Variants in TEX9 observed in about 807,000 individuals in gnomAD.
The protein encoded by TEX9 is testis expressed 9, also known as testis-expressed protein 9.
TEX9 carries 74 observed loss-of-function variants against 59.6 expected under a neutral mutation model. The observed-to-expected ratio is 1.24, with a 90% CI of 1.03 to 1.51. TEX9 has a LOEUF of 1.51. TEX9 is among the 40% of genes most tolerant of loss of function. The pLI, the probability that TEX9 is intolerant of heterozygous loss-of-function variation, is 0.00. For synonymous variants in TEX9, 186 were observed against 152.2 expected, an observed-to-expected ratio of 1.22 and a Z score of -1.64; for missense variants, 522 against 447.8, an observed-to-expected ratio of 1.17 and a Z score of -1.49.
At chr15:56,266,421 A>G (rs150562489) in intron 1 of TEX9, among the ~76,000 whole-genome samples, 99 of 151,204 alleles carry the variant, frequency 6.5e-4, no homozygotes, top group Admixed American at 9.9e-4. Flanking sequence ...GGTTTGCTAC[A>G]CTCACTAACT....
chr15:56,319,469 A>G (rs1175799079), intron 1 of TEX9, among the ~76,000 whole-genome samples: 1 of 152,062 alleles, frequency 6.6e-6, no homozygotes, highest in Non-Finnish European at 1.5e-5. Flanking sequence ...AGTACAGAGT[A>G]TGCAAAAATT....
intron 1 of TEX9, among the ~76,000 whole-genome samples, chr15:56,350,234 A>G (rs1449855276): frequency 6.6e-6 from 1 of 152,192 alleles, no homozygotes; most frequent in Non-Finnish European, 1.5e-5. Context: ...TTAATATGCA[A>G]AATATATACA....
chr15:56,353,656 G>T (rs923857228), intron 1 of TEX9, among the ~76,000 whole-genome samples: 1 of 152,142 alleles, frequency 6.6e-6, no homozygotes, highest in Non-Finnish European at 1.5e-5. Context: ...CTAATAAAAA[G>T]AGATGATATG....
intron 1 of TEX9, among the ~76,000 whole-genome samples, chr15:56,316,871 C>T (rs1195986072): frequency 7.2e-5 from 11 of 152,314 alleles, no homozygotes; most frequent in East Asian, 1.9e-4. Context: ...TTTTTAAGCC[C>T]GTCGGAAAAG....
At chr15:56,391,418 G>C in exon 7 of TEX9, 2 of 1,495,344 alleles carry the variant, frequency 1.3e-6, no homozygotes, top group Non-Finnish European at 1.8e-6. Context: ...CATTGGAACA[G>C]GTAGATTTTC....
intron 9 of TEX9, among the ~76,000 whole-genome samples, chr15:56,411,402 C>T (rs1231800478): frequency 6.6e-6 from 1 of 152,066 alleles, no homozygotes; most frequent in African/African-American, 2.4e-5. Context: ...GCTATACAAG[C>T]TTTGAAGAGG....
intron 3 of TEX9, among the ~76,000 whole-genome samples, chr15:56,375,571 T>G (rs2142057683): frequency 6.6e-6 from 1 of 152,328 alleles, no homozygotes; most frequent in East Asian, 1.9e-4. Context: ...TTTGGTGTTT[T>G]AGACATGAAG....
chr15:56,295,666 TG>T, intron 1 of TEX9, among the ~76,000 whole-genome samples: 1 of 152,330 alleles, frequency 6.6e-6, no homozygotes. Flanking sequence ...CCACAGCCAT[TG>T]GAGTATGGGA....
intron 1 of TEX9, among the ~76,000 whole-genome samples, chr15:56,301,655 GAAAA>G (rs780816147): frequency 1.4e-5 from 2 of 139,942 alleles, no homozygotes; most frequent in South Asian, 4.4e-4. Flanking sequence ...AGTGCTGAAG[GAAAA>G]AAAAAAAAAC....
In TEX9 at chr15:56,427,557, T is replaced by C. The variant is rs1261216652; in HGVS notation, c.964-48T>C. The C allele has an allele frequency of 3.1e-6, 4 of 1,288,846 alleles. No homozygotes were observed. In the South Asian group the frequency reaches 6.2e-5, roughly 20 times the overall value. 79.8% of individuals were successfully genotyped at this position (1,288,846 alleles called of 1,614,324 possible). Reference sequence around the variant, plus strand: ...TGATGATAGTCTATAATTCTTTCCATTGAGGCTGTATATTAAAAATATATG... The same window carrying C: ...TGATGATAGTCTATAATTCTTTCCACTGAGGCTGTATATTAAAAATATATG... On this transcript the variant is annotated intron_variant, in intron 10 of 12. Transcript: ENST00000352903.
intron 1 of TEX9, among the ~76,000 whole-genome samples, chr15:56,282,522 A>G (rs1457999650): frequency 1.3e-5 from 2 of 152,186 alleles, no homozygotes; most frequent in Non-Finnish European, 2.9e-5. Context: ...AACCAGAAAT[A>G]AACTCTTATT....
intron 9 of TEX9, among the ~76,000 whole-genome samples, chr15:56,404,419 C>G (rs1329665761): frequency 6.6e-6 from 1 of 152,164 alleles, no homozygotes; most frequent in Admixed American, 6.5e-5. Flanking sequence ...GAATGCAAAT[C>G]AAAACCGCAA....
chr15:56,264,369 C>T (rs773679629), intron 1 of TEX9, among the ~76,000 whole-genome samples: 1 of 152,182 alleles, frequency 6.6e-6, no homozygotes, highest in Non-Finnish European at 1.5e-5. Flanking sequence ...ATGTCATCCA[C>T]ATGCCTTATT....
downstream of TEX9, chr15:56,446,850 A>G: frequency 6.2e-7 from 1 of 1,605,024 alleles, no homozygotes; most frequent in South Asian, 1.1e-5. Flanking sequence ...CCATTTGTTC[A>G]TATTTAATGG....
chr15:56,428,345 A>G (rs1306108017), intron 11 of TEX9, 22 bp from the exon 12 acceptor site: 7 of 1,577,748 alleles, frequency 4.4e-6, no homozygotes, highest in Non-Finnish European at 5.2e-6. Flanking sequence ...AAATCAGACA[A>G]TATTGATTTT....
intron 12 of TEX9, among the ~76,000 whole-genome samples, chr15:56,439,823 T>A (rs1360278807): frequency 6.7e-6 from 1 of 148,508 alleles, no homozygotes; most frequent in Non-Finnish European, 1.5e-5. Flanking sequence ...AAGGAGAAAT[T>A]CTTCAATAAC....
At chr15:56,403,670 C>G (rs1302554353) in intron 9 of TEX9, among the ~76,000 whole-genome samples, 1 of 152,204 alleles carries the variant, frequency 6.6e-6, no homozygotes, top group Non-Finnish European at 1.5e-5. Flanking sequence ...GCCCTCATTG[C>G]CAAGACAATC....
intron 1 of TEX9, among the ~76,000 whole-genome samples, chr15:56,252,457 C>T (rs1177017573): frequency 7.5e-6 from 1 of 132,476 alleles, no homozygotes; most frequent in Non-Finnish European, 1.6e-5. Flanking sequence ...TAAGAAAGCT[C>T]AATATCTTAT....
chr15:56,436,517 A>G (rs2050728252), intron 12 of TEX9, among the ~76,000 whole-genome samples: 2 of 152,186 alleles, frequency 1.3e-5, no homozygotes, highest in Non-Finnish European at 2.9e-5. Context: ...AAGATCTAAA[A>G]TTGACACCCT....
Sources: allele counts gnomAD v4.1 joint callset (sites outside exome capture counted in the v4.1 genomes callset), GRCh38; gene constraint gnomAD v4.1.1; transcripts MANE v1.5; gene names NCBI Gene and HGNC (gene_info 2026-07-23, HGNC 2026-07-21).